Variants in HNRNPD observed in about 807,000 individuals in gnomAD.
The protein encoded by HNRNPD is heterogeneous nuclear ribonucleoprotein D, also known as heterogeneous nuclear ribonucleoprotein D0.
Under a neutral mutation model 47.9 loss-of-function variants are expected in HNRNPD, and 3 were observed. The observed-to-expected ratio is 0.06, with a 90% CI of 0.03 to 0.16. The LOEUF (loss-of-function observed/expected upper bound fraction) is 0.16, where lower values mean the gene tolerates loss of function less well. Ranked by LOEUF, HNRNPD falls within the 10% of genes least tolerant of loss-of-function variation. The pLI is 1.00. For synonymous variants in HNRNPD, 171 were observed against 165.1 expected (o/e 1.04, Z -0.28); for missense variants, 287 against 454.2 (o/e 0.63, Z 3.35).
chr4:82,362,613 C>T (rs35103793), intron 2 of HNRNPD, among the ~76,000 whole-genome samples: 1 of 151,966 alleles, frequency 6.6e-6, no homozygotes, highest in South Asian at 2.1e-4. Flanking sequence ...TTTTTGGTTG[C>T]TTAGTTTTTG....
At chr4:82,358,560 CT>C in intron 4 of HNRNPD, 98 bp downstream of exon 4, 5 of 1,024,774 alleles carry the variant, frequency 4.9e-6, no homozygotes, top group Non-Finnish European at 7.3e-6. Context: ...ATAATCTACC[CT>C]AACAGCTTTG....
At chr4:82,365,454 G>A (rs1719700990) in intron 2 of HNRNPD, among the ~76,000 whole-genome samples, 1 of 151,896 alleles carries the variant, frequency 6.6e-6, no homozygotes, top group African/African-American at 2.4e-5. Context: ...AGTTACCTAA[G>A]GGGAAGGGAG....
At position 82,357,302 on chromosome 4, in the gene HNRNPD, G is replaced by C; in HGVS notation, c.753+11C>G. ...TAGTTTTCTCTACAAGTAAATGGAT[G>C]CTTAACTTACTTTACTAAGACCAAC... is the stretch of plus-strand genomic sequence containing the variant. On this transcript the variant is annotated intron_variant, in intron 5 of 8. Coordinates refer to ENST00000313899, the MANE Select transcript of HNRNPD (RefSeq NM_031370.3). 1.2e-6 allele frequency: 2 copies of C among 1,602,240 alleles called. No individual in the cohort carries two copies. Among genetic ancestry groups the C allele is most frequent in the Non-Finnish European group, 1.7e-6 (2 of 1,175,666 alleles).
chr4:82,366,081 T>G (rs1229838282), intron 2 of HNRNPD, among the ~76,000 whole-genome samples: 1 of 152,166 alleles, frequency 6.6e-6, no homozygotes, highest in East Asian at 1.9e-4. Context: ...TCAAGGTAAG[T>G]GTGAAAAAGA....
In HNRNPD at chr4:82,373,948, C is replaced by A; in HGVS notation, c.-270G>T. 2.7e-6 allele frequency: 2 copies of A among 749,944 alleles called. No individual in the cohort carries two copies. Among genetic ancestry groups the A allele is most frequent in the Non-Finnish European group, 4.0e-6 (2 of 503,632 alleles). The allele number at this position is 749,944 out of a possible 1,614,324, so 46.5% of individuals were successfully genotyped here. Reference sequence around the variant, plus strand: ...CCAGCGGCGGCCGCTCTCGCCTCCTCCTCGCTTTAATGGCGCCGCCGCGGA... The same window carrying A: ...CCAGCGGCGGCCGCTCTCGCCTCCTACTCGCTTTAATGGCGCCGCCGCGGA... On this transcript the variant is annotated 5_prime_UTR_variant, in exon 1 of 9. Coordinates refer to ENST00000313899, the MANE Select transcript of HNRNPD (RefSeq NM_031370.3).
intron 2 of HNRNPD, among the ~76,000 whole-genome samples, chr4:82,364,650 T>A (rs1263743352): frequency 6.6e-6 from 1 of 152,308 alleles, no homozygotes; most frequent in East Asian, 1.9e-4. Context: ...TTTTAAATAG[T>A]CCATGTAAAA....
At position 82,361,381 on chromosome 4, in the gene HNRNPD, G is replaced by C. The variant is rs374818409; in HGVS notation, c.291-1742C>G. 4.6e-5 allele frequency among the ~76,000 whole-genome samples: 7 copies of C among 152,228 alleles called. No individual in the cohort carries two copies. The Middle Eastern group carries it at 0.014, about 296-fold the overall frequency. ...ACTGACTATAAAGCAATGACCTCTT[G>C]CTAAGATGACCATAAGTTCCACAAC... On this transcript the variant is annotated intron_variant, in intron 2 of 8. Transcript: ENST00000313899.
At position 82,373,557 on chromosome 4, in the gene HNRNPD, G is replaced by T; in HGVS notation, c.122C>A (p.Ala41Glu). Reference protein sequence around the residue: ...VAATQGAAAAAGSGAGTGGGT... With the variant: ...VAATQGAAAAEGSGAGTGGGT... The stretch of plus-strand genomic sequence containing the variant: ...GCCCCCGGTCCCGGCTCCGCTTCCC[G>T]CCGCCGCCGCTGCCCCCTGTGTCGC... The change falls in exon 1 of 9, where the codon GCG becomes GAG. Residue 41 changes from alanine to glutamate, a missense_variant. Coordinates refer to ENST00000313899, the MANE Select transcript of HNRNPD (RefSeq NM_031370.3). 1 of 1,529,618 alleles carries T rather than the reference G, an allele frequency of 6.5e-7. No homozygotes were observed. 94.8% of individuals were successfully genotyped at this position (1,529,618 alleles called of 1,614,324 possible).
At chr4:82,357,912 T>C (rs62313369) in intron 4 of HNRNPD, 25,660 of 152,472 alleles carry the variant, frequency 0.17, 2,585 homozygotes, top group Non-Finnish European at 0.23. Context: ...TTGCGTGCTC[T>C]TGCAAGTATT....
intron 2 of HNRNPD, among the ~76,000 whole-genome samples, chr4:82,370,321 A>G (rs1460832208): frequency 6.6e-6 from 1 of 152,212 alleles, no homozygotes; most frequent in East Asian, 1.9e-4. Context: ...CGAAGAGTCA[A>G]AACACTGACC....
intron 8 of HNRNPD, 52 bp downstream of exon 8, chr4:82,355,252 T>G: frequency 1.0e-6 from 1 of 963,770 alleles, no homozygotes; most frequent in Non-Finnish European, 1.6e-6. Context: ...ACAATATAGA[T>G]TATAAAAACT....
At chr4:82,369,097 T>C (rs974789459) in intron 2 of HNRNPD, among the ~76,000 whole-genome samples, 1 of 152,228 alleles carries the variant, frequency 6.6e-6, no homozygotes, top group Non-Finnish European at 1.5e-5. Context: ...CACAACATTG[T>C]AGTTTCCATT....
At position 82,356,845 on chromosome 4, in the gene HNRNPD, C is replaced by T. The variant is rs768748551; in HGVS notation, c.804G>A (p.Gln268=). 1 of 1,614,178 alleles carries T rather than the reference C, an allele frequency of 6.2e-7. No homozygotes were observed. Among genetic ancestry groups the T allele is most frequent in the Non-Finnish European group, 8.5e-7 (1 of 1,180,002 alleles). ...MSKEQYQQQQ[Q]WGSRGGFAGR... is the part of the protein sequence containing the mutation. ...CTGCAAATCCTCCTCTAGATCCCCA[C>T]TGTTGCTGTTGCTGATATTGTTCCT... Residue 268 remains glutamine, a synonymous_variant, in exon 6 of 9, where the codon CAG becomes CAA. Transcript: ENST00000313899.
At chr4:82,355,703 C>G in intron 7 of HNRNPD, 1 of 370,524 alleles carries the variant, frequency 2.7e-6, no homozygotes, top group East Asian at 4.9e-5. Flanking sequence ...TTCACAACCA[C>G]CAGCAAAAAA....
intron 4 of HNRNPD, chr4:82,358,416 C>CTAAA: frequency 2.7e-6 from 1 of 366,524 alleles, no homozygotes; most frequent in Non-Finnish European, 4.9e-6. Flanking sequence ...GAATGTTTGT[C>CTAAA]TATTTCATCT....
chr4:82,372,617 A>C (rs567743457), intron 1 of HNRNPD, among the ~76,000 whole-genome samples: 117 of 152,280 alleles, frequency 7.7e-4, no homozygotes, highest in African/African-American at 2.7e-3. Flanking sequence ...TGAGGGCGCG[A>C]AAAGGGTGCG....
intron 2 of HNRNPD, among the ~76,000 whole-genome samples, chr4:82,363,269 T>G (rs1135946): frequency 6.6e-6 from 1 of 151,356 alleles, no homozygotes; most frequent in Non-Finnish European, 1.5e-5. Flanking sequence ...TTAGTAGAGA[T>G]GGGGTTTCAC....
At chr4:82,365,125 T>A (rs1045254417) in intron 2 of HNRNPD, among the ~76,000 whole-genome samples, 1 of 152,244 alleles carries the variant, frequency 6.6e-6, no homozygotes, top group South Asian at 2.1e-4. Context: ...CTCCTGGACA[T>A]AGCGATCAGC....
intron 8 of HNRNPD, 187 bp downstream of exon 8, chr4:82,355,114 TTAA>T: frequency 5.2e-6 from 3 of 578,202 alleles, no homozygotes; most frequent in South Asian, 2.3e-5. Context: ...TACTGACTTG[TTAA>T]TAATAGGACA....
Sources: gnomAD v4.1 joint callset for allele counts (sites outside exome capture counted in the v4.1 genomes callset) on GRCh38, gnomAD v4.1.1 for gene constraint, MANE v1.5 for transcripts, NCBI Gene and HGNC (gene_info 2026-07-23, HGNC 2026-07-21) for gene names.